The following PIGG variants were observed in gnomAD, a reference collection of about 807,000 sequenced individuals.
PIGG encodes the protein phosphatidylinositol glycan anchor biosynthesis class G (EMM blood group).
In PIGG, 70 loss-of-function variants were observed where a neutral mutation model predicts 83.2. That is an observed-to-expected ratio of 0.84 (90% CI 0.69 to 1.03). The LOEUF is 1.03. Among genes scored for constraint, PIGG ranks in the 50% least tolerant of loss-of-function variants. The pLI is 0.00. For missense variants in PIGG, 1,257 were observed against 1,233.6 expected, an observed-to-expected ratio of 1.02 and a Z score of -0.28; for synonymous variants, 532 against 519.5, an observed-to-expected ratio of 1.02 and a Z score of -0.33.
intron 5 of PIGG, among the ~76,000 whole-genome samples, chr4:512,416 A>C (rs1329843642): frequency 6.6e-6 from 1 of 151,666 alleles, no homozygotes; most frequent in South Asian, 2.1e-4. Context: ...AGGGTTTCAC[A>C]TTATTGGCCA....
chr4:534,864 G>A (rs1034638823), intron 12 of PIGG, among the ~76,000 whole-genome samples: 4 of 151,892 alleles, frequency 2.6e-5, no homozygotes, highest in Admixed American at 2.6e-4. Flanking sequence ...AGTTCCCCCC[G>A]GGGGACCCCA....
At chr4:536,892 C>G (rs1347672381) in intron 12 of PIGG, 1 of 152,248 alleles carries the variant, frequency 6.6e-6, no homozygotes, top group Non-Finnish European at 1.5e-5. Context: ...TGCCCGGCTC[C>G]TCTCTCTGTA....
rs184183386 is a variant in PIGG, at chr4:519,042, C to T, written c.1115-2014C>T. Among the ~76,000 whole-genome samples the T allele has an allele frequency of 2.9e-4, 44 of 152,214 alleles. No homozygotes were observed. In the East Asian group the frequency reaches 5.4e-3, roughly 19 times the overall value. Reference sequence around the variant, plus strand: ...TTTTGCCTGGCGAATTCCTGGGTACCGTTTACATTTCAGCGTAAACATCAG... The same window carrying T: ...TTTTGCCTGGCGAATTCCTGGGTACTGTTTACATTTCAGCGTAAACATCAG... On this transcript the variant is annotated intron_variant, in intron 6 of 12. Coordinates refer to ENST00000453061, the MANE Select transcript of PIGG (RefSeq NM_001127178.3).
chr4:503,267 C>A (rs189160705), intron 2 of PIGG, among the ~76,000 whole-genome samples: 1 of 152,258 alleles, frequency 6.6e-6, no homozygotes, highest in Admixed American at 6.5e-5. Context: ...GCCCTAGCAC[C>A]TTTTCTTGGC....
At position 523,897 on chromosome 4, in the gene PIGG, G is replaced by C. The variant is rs200770933; in HGVS notation, c.2053G>C (p.Gly685Arg). 13 of 1,530,546 alleles carry C rather than the reference G, an allele frequency of 8.5e-6. No homozygotes were observed. The African/African-American group carries it at 1.6e-4, about 19-fold the overall frequency. 94.8% of individuals were successfully genotyped at this position (1,530,546 alleles called of 1,614,324 possible). A position where few individuals can be genotyped will look rare whatever the true frequency, so the allele number is the denominator to read the frequency against. Residue 685 changes from glycine to arginine, a missense_variant, in exon 9 of 13, where the codon GGC becomes CGC. Physicochemically the swap from Gly to Arg is moderately radical, Grantham distance 125. Coordinates refer to ENST00000453061, the MANE Select transcript of PIGG (RefSeq NM_001127178.3). Reference sequence around the variant, plus strand: ...GCAGTGGGCTCACCGGCCTGACCTCGGCCACTGGCTCACCAGGTGAGAGCG... The same window carrying C: ...GCAGTGGGCTCACCGGCCTGACCTCCGCCACTGGCTCACCAGGTGAGAGCG... ...GVQWAHRPDL[G>R]HWLTSSDHKA... is the part of the protein sequence containing the mutation.
chr4:506,618 T>C (rs1447533807), intron 3 of PIGG: 2 of 356,368 alleles, frequency 5.6e-6, no homozygotes, highest in African/African-American at 2.1e-5. Context: ...ATATATGGCA[T>C]CACTGAGAAA....
At chr4:512,378 G>A (rs1246288947) in intron 5 of PIGG, among the ~76,000 whole-genome samples, 9 of 150,806 alleles carry the variant, frequency 6.0e-5, no homozygotes, top group African/African-American at 1.2e-4. Context: ...CACCACCACC[G>A]GTTAATTTTT....
At chr4:533,540 C>T in intron 11 of PIGG, 1 of 475,234 alleles carries the variant, frequency 2.1e-6, no homozygotes, top group South Asian at 2.4e-5. Flanking sequence ...TGTGTGCGTC[C>T]CTCTTCAGAG....
intron 6 of PIGG, among the ~76,000 whole-genome samples, chr4:519,588 C>T (rs1027375789): frequency 2.0e-5 from 3 of 152,266 alleles, no homozygotes; most frequent in African/African-American, 7.2e-5. Flanking sequence ...AGTTCTGATG[C>T]TCATCCCTGC....
At chr4:513,966 G>A (rs1260394533) in intron 5 of PIGG, among the ~76,000 whole-genome samples, 2 of 152,188 alleles carry the variant, frequency 1.3e-5, no homozygotes, top group Non-Finnish European at 2.9e-5. Context: ...AATAAATGAT[G>A]CTGGTACCCC....
intron 6 of PIGG, among the ~76,000 whole-genome samples, chr4:517,776 G>A (rs1269539180): frequency 6.6e-6 from 1 of 152,076 alleles, no homozygotes; most frequent in African/African-American, 2.4e-5. Flanking sequence ...GGAGGTGCCA[G>A]GAGACAGCTA....
chr4:530,462 A>T lies in PIGG; in HGVS notation c.2288A>T (p.Tyr763Phe). ...SKGIIEARFV[Y>F]VFVLGILFTG... ...GGTATTATTGAAGCTCGTTTTGTTT[A>T]TGTCTTTGTCCTTGGCATTCTGTTC... The change falls in exon 11 of 13, where the codon TAT becomes TTT. Residue 763 changes from tyrosine to phenylalanine, a missense_variant. By Grantham distance (22) the Tyr-to-Phe change is conservative. Transcript: ENST00000453061. 6.2e-7 allele frequency: 1 copy of T among 1,613,446 alleles called. No homozygotes were observed. Among genetic ancestry groups the T allele is most frequent in the Middle Eastern group, 1.6e-4 (1 of 6,062 alleles).
At chr4:521,998 G>A (rs1726081803) in intron 8 of PIGG, 57 bp downstream of exon 8, 1 of 1,579,944 alleles carries the variant, frequency 6.3e-7, no homozygotes, top group Admixed American at 1.7e-5. Context: ...GGTTGTTCTT[G>A]TTATTTCAGG....
intron 11 of PIGG, chr4:533,586 C>T (rs182511083): frequency 3.4e-4 from 194 of 565,888 alleles, no homozygotes; most frequent in African/African-American, 2.9e-3. Flanking sequence ...CTCACGTGCC[C>T]TTCCGCAGCC....
Position 521,691 on chromosome 4 carries a change from A to C in PIGG, c.1364A>C (p.Gln455Pro). The C allele has an allele frequency of 6.2e-7, 1 of 1,614,136 alleles. No homozygotes were observed. The highest frequency in any genetic ancestry group is 1.1e-5 in the South Asian group (1 of 91,084). Residue 455 changes from glutamine (Q) to proline (P), a missense_variant, in exon 8 of 13, where the codon CAG becomes CCG. By Grantham distance (76) the Gln-to-Pro change is moderately conservative. Coordinates refer to ENST00000453061, the MANE Select transcript of PIGG (RefSeq NM_001127178.3). ...ACCCTGCTCCTGCTCAGCGTCCCAC[A>C]GGCACTGCGCAGAAAGGCTGAGCTG... is the stretch of plus-strand genomic sequence containing the variant. Reference protein sequence around the residue: ...VLTLLLLSVPQALRRKAELEV... With the variant: ...VLTLLLLSVPPALRRKAELEV...
chr4:504,692 T>C (rs1216489215), intron 2 of PIGG, among the ~76,000 whole-genome samples: 6 of 152,248 alleles, frequency 3.9e-5, no homozygotes, highest in Non-Finnish European at 8.8e-5. Flanking sequence ...TTTATTTTCA[T>C]TGCACAGGTT....
At position 528,820 on chromosome 4, in the gene PIGG, C is replaced by G; in HGVS notation, c.2261+1590C>G. ...GCATGTAATTTGCTAGTGTCCAGAA[C>G]TAGCCAGTGTGCCTTTTCTTTCCAC... On this transcript the variant is annotated intron_variant, in intron 10 of 12. Coordinates refer to ENST00000453061, the MANE Select transcript of PIGG (RefSeq NM_001127178.3). This position sits in a 1 kb window ranked among gnomAD's most constrained non-coding sequence, Gnocchi z 4.8. The G allele has an allele frequency of 9.9e-6, 7 of 708,840 alleles. No homozygotes were observed. Among genetic ancestry groups the G allele is most frequent in the Non-Finnish European group, 1.0e-5 (6 of 577,264 alleles). 43.9% of individuals were successfully genotyped at this position (708,840 alleles called of 1,614,324 possible). A position where few individuals can be genotyped will look rare whatever the true frequency, so the allele number is the denominator to read the frequency against.
chr4:511,190 G>A (rs528232021), intron 5 of PIGG, among the ~76,000 whole-genome samples: 2 of 152,026 alleles, frequency 1.3e-5, no homozygotes, highest in Admixed American at 1.3e-4. Flanking sequence ...CTACTTGGGA[G>A]GCTGAGGCAG....
chr4:522,478 A>G, intron 8 of PIGG: 1 of 195,480 alleles, frequency 5.1e-6, no homozygotes, highest in South Asian at 1.1e-4. Flanking sequence ...GGACACCTTC[A>G]TTCGTTAGCT....
Sources: gnomAD v4.1 joint callset for allele counts (sites outside exome capture counted in the v4.1 genomes callset) on GRCh38, gnomAD v4.1.1 for gene constraint, Gnocchi (gnomAD v3.1) non-coding constraint, MANE v1.5 for transcripts, NCBI Gene and HGNC (gene_info 2026-07-23, HGNC 2026-07-21) for gene names.